FREM3: variants seen among roughly 807,000 people sequenced by gnomAD.
FREM3 encodes the protein FRAS1-related extracellular matrix protein 3.
In FREM3, 105 loss-of-function variants were observed where a neutral mutation model predicts 129.1. That is an observed-to-expected ratio of 0.81 (90% CI 0.69 to 0.96). The LOEUF (loss-of-function observed/expected upper bound fraction) is 0.96, where lower values mean the gene tolerates loss of function less well. Among genes scored for constraint, FREM3 ranks in the 40% least tolerant of loss-of-function variants. The probability of loss-of-function intolerance (pLI) is 0.00; values close to 1 mark genes in which losing one functional copy is unlikely to be tolerated. For synonymous variants in FREM3, 1,014 were observed against 1,044.9 expected, an observed-to-expected ratio of 0.97 and a Z score of 0.57; for missense variants, 2,593 against 2,666.3, an observed-to-expected ratio of 0.97 and a Z score of 0.61.
chr4:143,690,125 G>A (rs191741817), intron 2 of FREM3, among the ~76,000 whole-genome samples: 42 of 151,988 alleles, frequency 2.8e-4, no homozygotes, highest in Admixed American at 1.7e-3. Context: ...ACAGATTTGC[G>A]TTGGTTCAAG....
At chr4:143,617,446 C>G (rs1279231802) in intron 5 of FREM3, among the ~76,000 whole-genome samples, 1 of 152,158 alleles carries the variant, frequency 6.6e-6, no homozygotes, top group African/African-American at 2.4e-5. Context: ...AGAATAAATT[C>G]TCCTCTGCCC....
intron 2 of FREM3, among the ~76,000 whole-genome samples, chr4:143,632,561 A>T (rs1353753773): frequency 3.3e-5 from 5 of 152,138 alleles, no homozygotes; most frequent in Admixed American, 1.3e-4. Flanking sequence ...ATCAATCAGT[A>T]CTTAAGAAGG....
chr4:143,620,720 C>A (rs1458888150), intron 5 of FREM3, among the ~76,000 whole-genome samples: 1 of 152,186 alleles, frequency 6.6e-6, no homozygotes, highest in African/African-American at 2.4e-5. Context: ...CATATATAAA[C>A]TCTTTTGACA....
rs35792262 is a variant in FREM3, at chr4:143,636,333, CAA to C, written c.5276-8575_5276-8574del. On this transcript the variant is annotated intron_variant, in intron 2 of 7. Coordinates refer to ENST00000329798, the MANE Select transcript of FREM3 (RefSeq NM_001168235.2). ...TGGGCTGGGCACTGTGCAGCCTGTC[CAA>C]AAAAAAAAAAAAAAAAAAGACATGG... Among the ~76,000 whole-genome samples, 486 of 81,460 alleles carry C rather than the reference CAA, an allele frequency of 6.0e-3. 3 individuals are homozygous for C. Among genetic ancestry groups the C allele is most frequent in the African/African-American group, 0.02 (428 of 21,072 alleles). The allele number at this position is 81,460 out of a possible 152,430, so 53.4% of individuals were successfully genotyped here.
chr4:143,590,723 G>T (rs573648586), intron 6 of FREM3, among the ~76,000 whole-genome samples: 5 of 152,092 alleles, frequency 3.3e-5, no homozygotes, highest in Admixed American at 2.6e-4. Context: ...TCTCTGCCAG[G>T]CTTTGGTATC....
At chr4:143,673,140 T>C (rs1266744086) in intron 2 of FREM3, among the ~76,000 whole-genome samples, 1 of 152,264 alleles carries the variant, frequency 6.6e-6, no homozygotes, top group African/African-American at 2.4e-5. Context: ...GGTGAGGAGC[T>C]GCATTCCTTT....
chr4:143,614,588 A>G (rs917072191), intron 5 of FREM3, among the ~76,000 whole-genome samples: 49 of 152,294 alleles, frequency 3.2e-4, no homozygotes, highest in Non-Finnish European at 4.3e-4. Flanking sequence ...GAGAAATATT[A>G]AAGATTCATT....
intron 2 of FREM3, among the ~76,000 whole-genome samples, chr4:143,660,260 A>C (rs1045888396): frequency 1.3e-5 from 2 of 151,404 alleles, no homozygotes; most frequent in Non-Finnish European, 2.9e-5. Context: ...TAATTTTTGT[A>C]TAAGGTGTAA....
At position 143,695,939 on chromosome 4, in the gene FREM3, G is replaced by C; in HGVS notation, c.4737C>G (p.Val1579=). The change falls in exon 1 of 8, where the codon GTC becomes GTG. Residue 1579 remains valine, a synonymous_variant. Coordinates refer to ENST00000329798, the MANE Select transcript of FREM3 (RefSeq NM_001168235.2). ...DDLILFTITQ[V]PMHGKILYNG... ...TGTACAAAATCTTGCCATGCATGGG[G>C]ACCTGGGTGATGGTAAAGAGAATAA... 2.0e-6 allele frequency: 3 copies of C among 1,537,908 alleles called. No homozygotes were observed. Among genetic ancestry groups the C allele is most frequent in the Non-Finnish European group, 1.7e-6 (2 of 1,147,056 alleles).
At chr4:143,650,266 C>A (rs953094543) in intron 2 of FREM3, among the ~76,000 whole-genome samples, 2 of 152,102 alleles carry the variant, frequency 1.3e-5, no homozygotes, top group Admixed American at 6.5e-5. Flanking sequence ...AGATGAAAAC[C>A]AATAGAAGGC....
At chr4:143,622,142 G>A (rs1578838616) in intron 4 of FREM3, among the ~76,000 whole-genome samples, 1 of 150,916 alleles carries the variant, frequency 6.6e-6, no homozygotes, top group South Asian at 2.1e-4. Context: ...CCAGGCTGGA[G>A]GAGTGCAATT....
chr4:143,635,671 A>G (rs1241360580), intron 2 of FREM3, among the ~76,000 whole-genome samples: 2 of 152,230 alleles, frequency 1.3e-5, no homozygotes, highest in Non-Finnish European at 2.9e-5. Flanking sequence ...ATCTTCATAT[A>G]TCTCACATGA....
intron 6 of FREM3, among the ~76,000 whole-genome samples, chr4:143,600,617 A>G (rs936477031): frequency 6.6e-6 from 1 of 152,222 alleles, no homozygotes; most frequent in Non-Finnish European, 1.5e-5. Flanking sequence ...TAACAGTAAA[A>G]TAATCCTAGG....
chr4:143,622,425 A>G (rs1578838810), intron 4 of FREM3, among the ~76,000 whole-genome samples: 1 of 117,866 alleles, frequency 8.5e-6, no homozygotes, highest in South Asian at 2.6e-4. Context: ...TTTTTTTCCC[A>G]TTTTGGAACT....
Position 143,697,644 on chromosome 4 carries a change from T to A in FREM3, c.3032A>T (p.Asp1011Val). 6.5e-7 allele frequency: 1 copy of A among 1,537,860 alleles called. No homozygotes were observed. The highest frequency in any genetic ancestry group is 8.7e-7 in the Non-Finnish European group (1 of 1,147,046). The change falls in exon 1 of 8, where the codon GAT becomes GTT. Residue 1011 changes from aspartate (D) to valine (V), a missense_variant. This residue lies in a region of FREM3 where 2,276 missense variants were observed against 2,267.2 expected (regional missense o/e 1.00). Coordinates refer to ENST00000329798, the MANE Select transcript of FREM3 (RefSeq NM_001168235.2). ...ATAGGCTACTCTCCCATTGATGAGA[T>A]CCTCTTGGGTGAATCGTTCTGTGGG... ...GLPTERFTQE[D>V]LINGRVAYAH... is the part of the protein sequence containing the mutation.
intron 2 of FREM3, among the ~76,000 whole-genome samples, chr4:143,687,852 G>A (rs904415637): frequency 6.6e-5 from 10 of 152,092 alleles, no homozygotes; most frequent in African/African-American, 2.4e-4. Flanking sequence ...TGGCACACAA[G>A]GGACATACCT....
At chr4:143,584,982 A>T (rs988435748) in intron 7 of FREM3, among the ~76,000 whole-genome samples, 1 of 152,218 alleles carries the variant, frequency 6.6e-6, no homozygotes, top group South Asian at 2.1e-4. Context: ...ATCACTCAAA[A>T]CCATACAATT....
intron 7 of FREM3, among the ~76,000 whole-genome samples, chr4:143,581,629 C>T (rs890356476): frequency 2.0e-5 from 3 of 151,988 alleles, no homozygotes; most frequent in Non-Finnish European, 4.4e-5. Context: ...GGGGAAGGAA[C>T]AAAGAGTCTG....
At chr4:143,589,316 A>T (rs2149834430) in intron 6 of FREM3, among the ~76,000 whole-genome samples, 1 of 152,310 alleles carries the variant, frequency 6.6e-6, no homozygotes, top group East Asian at 1.9e-4. Context: ...GTCCTTGCCC[A>T]TGCCTATGTC....
Sources: gnomAD v4.1 joint callset for allele counts (sites outside exome capture counted in the v4.1 genomes callset) on GRCh38, gnomAD v4.1.1 for gene constraint, gnomAD v4.1.1 regional missense constraint, MANE v1.5 for transcripts, NCBI Gene and HGNC (gene_info 2026-07-23, HGNC 2026-07-21) for gene names.